Variants in ALG6 observed in about 807,000 individuals in gnomAD.
ALG6 encodes the protein ALG6 alpha-1,3-glucosyltransferase, also known as dolichyl pyrophosphate Man9GlcNAc2 alpha-1,3-glucosyltransferase.
ALG6 carries 46 observed loss-of-function variants against 66.6 expected under a neutral mutation model. The observed-to-expected ratio is 0.69, with a 90% CI of 0.55 to 0.88. The LOEUF is 0.88. Ranked by LOEUF, ALG6 falls within the 40% of genes least tolerant of loss-of-function variation. ALG6 has a pLI of 0.00. For synonymous variants in ALG6, 185 were observed against 203.7 expected (o/e 0.91, Z 0.78); for missense variants, 505 against 586.8 (o/e 0.86, Z 1.44).
chr1:63,380,791 G>A (rs986047329), intron 2 of ALG6, among the ~76,000 whole-genome samples: 7 of 152,106 alleles, frequency 4.6e-5, no homozygotes, highest in African/African-American at 1.7e-4. Context: ...TTCATGAACT[G>A]AATTTACTCA....
chr1:63,407,388 G>GA (rs1382284781), intron 7 of ALG6, among the ~76,000 whole-genome samples: 6 of 152,016 alleles, frequency 3.9e-5, no homozygotes, highest in Non-Finnish European at 8.8e-5. Flanking sequence ...TGGGGTGTTG[G>GA]AAAAAGAGTG....
intron 11 of ALG6, among the ~76,000 whole-genome samples, chr1:63,417,764 T>C (rs1225138837): frequency 3.3e-5 from 5 of 152,118 alleles, no homozygotes; most frequent in Non-Finnish European, 5.9e-5. Flanking sequence ...GGGCCTTCCA[T>C]GCTAGTGGCA....
intron 5 of ALG6, among the ~76,000 whole-genome samples, chr1:63,404,980 C>A (rs1046331701): frequency 6.6e-6 from 1 of 152,010 alleles, no homozygotes; most frequent in African/African-American, 2.4e-5. Flanking sequence ...TATTGTTGTG[C>A]AGTTTCTAAA....
At chr1:63,421,767 A>G (rs928455370) in intron 12 of ALG6, among the ~76,000 whole-genome samples, 4 of 151,696 alleles carry the variant, frequency 2.6e-5, no homozygotes, top group African/African-American at 9.7e-5. Context: ...GCAAACTAAC[A>G]CAGCAACAGA....
chr1:63,434,553 T>C (rs922546389), intron 14 of ALG6, among the ~76,000 whole-genome samples: 2 of 152,248 alleles, frequency 1.3e-5, no homozygotes, highest in African/African-American at 4.8e-5. Flanking sequence ...CAACTGAAGC[T>C]GGCTTTGAAT....
At chr1:63,389,534 G>A (rs1167052459) in intron 2 of ALG6, among the ~76,000 whole-genome samples, 1 of 152,156 alleles carries the variant, frequency 6.6e-6, no homozygotes, top group Non-Finnish European at 1.5e-5. Flanking sequence ...TGAATGCTCT[G>A]TTTGAAAGGT....
intron 2 of ALG6, among the ~76,000 whole-genome samples, chr1:63,383,461 G>T (rs1229707084): frequency 1.3e-5 from 2 of 151,848 alleles, no homozygotes; most frequent in Non-Finnish European, 2.9e-5. Context: ...TGTCACCCAG[G>T]CTGGAGTACA....
At chr1:63,369,802 A>G (rs1038923041) in intron 1 of ALG6, among the ~76,000 whole-genome samples, 7 of 151,718 alleles carry the variant, frequency 4.6e-5, no homozygotes, top group Admixed American at 4.0e-4. Flanking sequence ...GAAAATGTCA[A>G]TTTTGTCGAT....
chr1:63,434,247 T>C (rs1392381191), intron 14 of ALG6, among the ~76,000 whole-genome samples: 2 of 152,100 alleles, frequency 1.3e-5, no homozygotes, highest in Non-Finnish European at 2.9e-5. Flanking sequence ...AATGGTCAGA[T>C]TTTTTATATA....
intron 3 of ALG6, among the ~76,000 whole-genome samples, chr1:63,397,281 G>A (rs572991414): frequency 6.6e-6 from 1 of 152,146 alleles, no homozygotes; most frequent in South Asian, 2.1e-4. Context: ...TGCTGCCTGG[G>A]TTCAAGCGAT....
intron 3 of ALG6, among the ~76,000 whole-genome samples, chr1:63,397,077 G>A (rs140047483): frequency 2.0e-3 from 302 of 152,080 alleles, no homozygotes; most frequent in African/African-American, 7.0e-3. Flanking sequence ...TGGAAATTTC[G>A]CATGTGTCCT....
chr1:63,381,111 A>G (rs1201296794), intron 2 of ALG6, among the ~76,000 whole-genome samples: 1 of 152,070 alleles, frequency 6.6e-6, no homozygotes, highest in Non-Finnish European at 1.5e-5. Context: ...CTTGAGCCCA[A>G]AAGTTTGAGT....
intron 4 of ALG6, among the ~76,000 whole-genome samples, chr1:63,402,633 A>C (rs559858313): frequency 6.6e-6 from 1 of 150,848 alleles, no homozygotes; most frequent in African/African-American, 2.4e-5. Flanking sequence ...TGCCTGGCTA[A>C]TGTTTGTATT....
chr1:63,400,204 AAAATATATATATATATACG>A (rs1644440533), intron 3 of ALG6, among the ~76,000 whole-genome samples: 2 of 42,668 alleles, frequency 4.7e-5, no homozygotes, highest in South Asian at 1.3e-3. Flanking sequence ...CAAAAAAAAA[AAAATATATATATATATACG>A]TATATATATA....
chr1:63,377,700 CT>C (rs1428983203), intron 2 of ALG6, among the ~76,000 whole-genome samples: 1 of 152,030 alleles, frequency 6.6e-6, no homozygotes, highest in East Asian at 1.9e-4. Context: ...GCATTAATGA[CT>C]TGTTTTGTAC....
rs1347384295 is a variant in ALG6, at chr1:63,433,099, C to T, written c.1327-3724C>T. On this transcript the variant is annotated intron_variant, in intron 14 of 14. Coordinates refer to ENST00000263440, the MANE Select transcript of ALG6 (RefSeq NM_013339.4). This position sits in a 1 kb window ranked among gnomAD's most constrained non-coding sequence, Gnocchi z 4.2. ...CTGGGACTACAGGCACGTGCCACCA[C>T]ACCCTGCCAATTTTTGTATTTTTAA... 2.0e-5 allele frequency among the ~76,000 whole-genome samples: 3 copies of T among 152,088 alleles called. No individual in the cohort carries two copies. Among genetic ancestry groups the T allele is most frequent in the Non-Finnish European group, 2.9e-5 (2 of 68,022 alleles).
At chr1:63,394,402 C>T (rs976572923) in intron 2 of ALG6, among the ~76,000 whole-genome samples, 7 of 151,604 alleles carry the variant, frequency 4.6e-5, no homozygotes, top group African/African-American at 7.3e-5. Flanking sequence ...TCTTTTGAGA[C>T]GGAGTCTCAC....
At chr1:63,420,878 T>C (rs986112898) in intron 12 of ALG6, among the ~76,000 whole-genome samples, 3 of 149,884 alleles carry the variant, frequency 2.0e-5, no homozygotes, top group Non-Finnish European at 4.4e-5. Flanking sequence ...AAAAAAAAAT[T>C]AAATAAAAGT....
intron 14 of ALG6, among the ~76,000 whole-genome samples, chr1:63,434,963 G>T (rs575149015): frequency 9.2e-5 from 14 of 152,278 alleles, no homozygotes; most frequent in African/African-American, 3.4e-4. Flanking sequence ...CCAAGTGAAC[G>T]AAGTGTTTCA....
Sources: allele counts gnomAD v4.1 joint callset (sites outside exome capture counted in the v4.1 genomes callset), GRCh38; gene constraint gnomAD v4.1.1; non-coding constraint Gnocchi (gnomAD v3.1); transcripts MANE v1.5; gene names NCBI Gene and HGNC (gene_info 2026-07-23, HGNC 2026-07-21).